TENM3: variants seen among roughly 807,000 people sequenced by gnomAD.
TENM3 encodes the protein teneurin transmembrane protein 3, also known as teneurin-3.
TENM3 carries 63 observed loss-of-function variants against 255.1 expected under a neutral mutation model. The observed-to-expected ratio is 0.25, with a 90% confidence interval of 0.20 to 0.30. The LOEUF is 0.30. Ranked by LOEUF, TENM3 falls within the 10% of genes least tolerant of loss-of-function variation. TENM3 has a pLI of 1.00. For missense variants in TENM3, 2,929 were observed against 3,461.1 expected, an observed-to-expected ratio of 0.85 and a Z score of 3.86; for synonymous variants, 1,306 against 1,322.3, an observed-to-expected ratio of 0.99 and a Z score of 0.27.
chr4:181,864,497 C>T, the TENM3 span, among the ~76,000 whole-genome samples: 138 of 152,198 alleles, frequency 9.1e-4, no homozygotes, highest in African/African-American at 3.2e-3. Context: ...AAGCCAGCAA[C>T]GGTCTATCAT....
At chr4:182,280,587 T>A (rs1423859270) in intron 1 of TENM3, among the ~76,000 whole-genome samples, 1 of 152,216 alleles carries the variant, frequency 6.6e-6, no homozygotes, top group Non-Finnish European at 1.5e-5. Context: ...AGACCTTTTC[T>A]TCTCCTCTTC....
At chr4:181,639,658 T>C in the TENM3 span, among the ~76,000 whole-genome samples, 1 of 152,180 alleles carries the variant, frequency 6.6e-6, no homozygotes, top group Non-Finnish European at 1.5e-5. Context: ...GAGAATCGCT[T>C]GAACCCAGGA....
At chr4:182,498,233 G>C (rs1489350096) in intron 3 of TENM3, among the ~76,000 whole-genome samples, 1 of 152,058 alleles carries the variant, frequency 6.6e-6, no homozygotes, top group Non-Finnish European at 1.5e-5. Flanking sequence ...AGGCTGACTC[G>C]TAATTTCTTT....
the TENM3 span, among the ~76,000 whole-genome samples, chr4:182,111,868 C>T: frequency 6.6e-6 from 1 of 152,194 alleles, no homozygotes; most frequent in African/African-American, 2.4e-5. Context: ...ACATTTAATT[C>T]AGCTTCTCTC....
At chr4:182,223,352 G>A (rs1156601813) in intron 1 of TENM3, among the ~76,000 whole-genome samples, 3 of 151,984 alleles carry the variant, frequency 2.0e-5, no homozygotes, top group Non-Finnish European at 4.4e-5. Context: ...CAACAAAAAT[G>A]TTAGAGATTT....
At chr4:182,717,382 A>G (rs913154597) in intron 13 of TENM3, among the ~76,000 whole-genome samples, 19 of 152,170 alleles carry the variant, frequency 1.2e-4, no homozygotes, top group African/African-American at 3.9e-4. Flanking sequence ...CTGCTTTCCA[A>G]TAGGTCCTTG....
intron 13 of TENM3, among the ~76,000 whole-genome samples, chr4:182,727,511 A>G (rs1760311712): frequency 6.6e-6 from 1 of 151,932 alleles, no homozygotes; most frequent in Non-Finnish European, 1.5e-5. Context: ...GCCTGACCTT[A>G]AAGGATAATG....
the TENM3 span, among the ~76,000 whole-genome samples, chr4:182,062,397 G>A: frequency 6.6e-6 from 1 of 152,164 alleles, no homozygotes; most frequent in East Asian, 1.9e-4. Flanking sequence ...CAATTTCAGC[G>A]ATAAAATCCA....
At chr4:181,912,855 T>G in the TENM3 span, among the ~76,000 whole-genome samples, 2 of 150,916 alleles carry the variant, frequency 1.3e-5, no homozygotes, top group Admixed American at 6.6e-5. Context: ...ACTTGAGAGA[T>G]AAGGAGAAAG....
chr4:181,534,899 C>T, the TENM3 span, among the ~76,000 whole-genome samples: 1 of 152,288 alleles, frequency 6.6e-6, no homozygotes, highest in East Asian at 1.9e-4. Flanking sequence ...AAACTTCCCT[C>T]CTCTCTTCTC....
intron 1 of TENM3, among the ~76,000 whole-genome samples, chr4:182,198,799 A>G (rs1236946466): frequency 6.6e-6 from 1 of 152,194 alleles, no homozygotes. Context: ...AGGAATGACA[A>G]ATATCATTTG....
chr4:181,922,690 T>C, the TENM3 span, among the ~76,000 whole-genome samples: 1 of 152,020 alleles, frequency 6.6e-6, no homozygotes, highest in Non-Finnish European at 1.5e-5. Flanking sequence ...AACCAGCTCC[T>C]GGATTCATTA....
At chr4:182,770,154 A>G (rs949993869) in intron 22 of TENM3, among the ~76,000 whole-genome samples, 3 of 151,704 alleles carry the variant, frequency 2.0e-5, no homozygotes, top group African/African-American at 7.3e-5. Context: ...CCCTACAGGT[A>G]GGTCCCGCCT....
At chr4:181,489,693 T>G in the TENM3 span, among the ~76,000 whole-genome samples, 7 of 152,292 alleles carry the variant, frequency 4.6e-5, no homozygotes, top group South Asian at 1.4e-3. Context: ...ATTCCATATA[T>G]AGAAAGCTAG....
chr4:181,932,132 C>G, the TENM3 span, among the ~76,000 whole-genome samples: 1 of 152,022 alleles, frequency 6.6e-6, no homozygotes, highest in African/African-American at 2.4e-5. Context: ...ACTAAAACAC[C>G]AAAAGCAATG....
chr4:181,521,720 C>A, the TENM3 span, among the ~76,000 whole-genome samples: 3 of 152,118 alleles, frequency 2.0e-5, no homozygotes, highest in Non-Finnish European at 2.9e-5. Context: ...GCTTGCAATT[C>A]TCCTCCCTTC....
intron 2 of TENM3, among the ~76,000 whole-genome samples, chr4:182,329,316 T>C (rs181546450): frequency 2.3e-3 from 344 of 152,334 alleles, no homozygotes; most frequent in African/African-American, 7.6e-3. Flanking sequence ...GAGGCTGACC[T>C]GCCCCTCCCA....
At chr4:181,915,028 G>C in the TENM3 span, among the ~76,000 whole-genome samples, 3 of 152,126 alleles carry the variant, frequency 2.0e-5, no homozygotes, top group Non-Finnish European at 4.4e-5. Context: ...TGAGCCCTGG[G>C]CCGTTTTTTC....
At chr4:181,801,593 AG>A in the TENM3 span, among the ~76,000 whole-genome samples, 1 of 144,228 alleles carries the variant, frequency 6.9e-6, no homozygotes, top group Non-Finnish European at 1.5e-5. Context: ...TGCAGCCCTA[AG>A]GCTGGCTCAT....
Sources: allele counts gnomAD v4.1 joint callset (sites outside exome capture counted in the v4.1 genomes callset), GRCh38; gene constraint gnomAD v4.1.1; transcripts MANE v1.5; gene names NCBI Gene and HGNC (gene_info 2026-07-23, HGNC 2026-07-21).